PCDHA2: variants seen among roughly 807,000 people sequenced by gnomAD.
PCDHA2 encodes protocadherin alpha-2.
PCDHA2 carries 58 observed loss-of-function variants against 66.0 expected under a neutral mutation model. That is an observed-to-expected ratio of 0.88 (90% CI 0.71 to 1.09). The LOEUF is 1.09. PCDHA2 is among the 50% of genes least tolerant of loss of function. PCDHA2 has a pLI of 0.00. For missense variants in PCDHA2, 1,267 were observed against 1,242.3 expected, an observed-to-expected ratio of 1.02 and a Z score of -0.30; for synonymous variants, 634 against 554.0, an observed-to-expected ratio of 1.14 and a Z score of -2.03.
chr5:140,928,904 G>T, intron 1 of PCDHA2: 1 of 1,614,180 alleles, frequency 6.2e-7, no homozygotes, highest in Non-Finnish European at 8.5e-7. Flanking sequence ...GAAGATGTCT[G>T]GGAACCAGGA....
chr5:140,871,179 G>C (rs374404426), intron 1 of PCDHA2: 44 of 1,613,428 alleles, frequency 2.7e-5, no homozygotes, highest in Non-Finnish European at 3.5e-5. Context: ...AGGCTGCGCT[G>C]GTGGATGTCA....
rs181226204 is a variant in PCDHA2 at position 140,840,969 on chromosome 5, A to C, written c.2388+43617A>C. On this transcript the variant is annotated intron_variant, in intron 1 of 3. Transcript: ENST00000526136. ...TTGGGAAGAAATTCCTTTCCTTATG[A>C]AGAAGAAATCCCTAGCTGAAACTAA... 5.9e-5 allele frequency among the ~76,000 whole-genome samples: 9 copies of C among 152,188 alleles called. No individual in the cohort carries two copies. The East Asian group carries it at 1.7e-3, about 29-fold the overall frequency.
chr5:140,856,981 C>T lies in PCDHA2; in HGVS notation c.2388+59629C>T, dbSNP rs1554149362. 1.2e-5 allele frequency: 19 copies of T among 1,594,810 alleles called. 1 individual carries two copies. Among genetic ancestry groups the T allele is most frequent in the Non-Finnish European group, 1.5e-5 (18 of 1,164,604 alleles). Reference sequence around the variant, plus strand: ...TAAATGATGCTATTGACTTTGAGGACAGTAACACTTATGAAATTCATGTAG... The same window carrying T: ...TAAATGATGCTATTGACTTTGAGGATAGTAACACTTATGAAATTCATGTAG... On this transcript the variant is annotated intron_variant, in intron 1 of 3. Transcript: ENST00000526136.
intron 1 of PCDHA2, among the ~76,000 whole-genome samples, chr5:140,900,094 G>A (rs546671178): frequency 3.6e-4 from 55 of 152,150 alleles, no homozygotes; most frequent in East Asian, 2.3e-3. Context: ...ACAAGCATGC[G>A]CCACCATACC....
chr5:140,797,174 C>G lies in PCDHA2; in HGVS notation c.2210C>G (p.Pro737Arg). ...GAGGGTGCGCGCGCGCCAGGAAAGC[C>G]CACGCTGGTGTGCTCCAGCGCCGTG... ...PTEGARAPGK[P>R]TLVCSSAVGS... Residue 737 changes from proline to arginine, a missense_variant, in exon 1 of 4, where the codon CCC becomes CGC. By Grantham distance (103) the Pro-to-Arg change is moderately radical. Transcript: ENST00000526136. 1 of 1,614,098 alleles carries G rather than the reference C, an allele frequency of 6.2e-7. No individual in the cohort carries two copies. Among genetic ancestry groups the G allele is most frequent in the Non-Finnish European group, 8.5e-7 (1 of 1,180,024 alleles).
At chr5:140,873,615 A>C (rs1487252868) in intron 1 of PCDHA2, among the ~76,000 whole-genome samples, 3 of 152,280 alleles carry the variant, frequency 2.0e-5, no homozygotes, top group African/African-American at 7.2e-5. Context: ...TTGGCTTAAC[A>C]ATTTGTTTAG....
Position 140,877,047 on chromosome 5 carries a change from C to T in PCDHA2, c.2388+79695C>T, listed in dbSNP as rs372059660. The T allele has an allele frequency of 5.6e-6, 9 of 1,612,564 alleles. No homozygotes were observed. The African/African-American group carries it at 1.2e-4, about 22-fold the overall frequency. On this transcript the variant is annotated intron_variant, in intron 1 of 3. Transcript: ENST00000526136. ...TGTACGCGCTGCAGCCGCTAGACCA[C>T]GAGGAGCTGGAGCTGCTGCAGTTCC...
At chr5:140,884,461 G>C in intron 1 of PCDHA2, 3 of 1,613,764 alleles carry the variant, frequency 1.9e-6, no homozygotes, top group Non-Finnish European at 2.5e-6. Context: ...CCGAGGGCGC[G>C]TGCGCGCCGG....
intron 1 of PCDHA2, chr5:140,817,240 A>G (rs1766094783): frequency 2.0e-5 from 3 of 152,290 alleles, no homozygotes; most frequent in Admixed American, 1.3e-4. Flanking sequence ...GGGAGAAGAC[A>G]GGAGCTGGGA....
At chr5:140,803,300 C>T (rs782715241) in intron 1 of PCDHA2, 17 of 1,613,996 alleles carry the variant, frequency 1.1e-5, no homozygotes, top group Admixed American at 3.3e-5. Flanking sequence ...TGTACTTGAT[C>T]GTCGCCATCT....
chr5:140,821,944 G>A, intron 1 of PCDHA2: 2 of 1,614,180 alleles, frequency 1.2e-6, no homozygotes, highest in South Asian at 1.1e-5. Flanking sequence ...GGAGCTGGCG[G>A]AGCTGGTGCC....
chr5:140,954,184 T>C (rs2094994216), intron 1 of PCDHA2, among the ~76,000 whole-genome samples: 1 of 152,236 alleles, frequency 6.6e-6, no homozygotes, highest in Non-Finnish European at 1.5e-5. Flanking sequence ...CAGTCTATCA[T>C]TGATGGGCAT....
chr5:140,829,819 A>C (rs2150175411), intron 1 of PCDHA2: 2 of 1,613,876 alleles, frequency 1.2e-6, no homozygotes, highest in Admixed American at 3.3e-5. Flanking sequence ...CTGGTGGTGC[A>C]GTGAGCGAGC....
intron 1 of PCDHA2, chr5:140,871,269 G>A (rs782046462): frequency 1.2e-6 from 2 of 1,613,952 alleles, no homozygotes; most frequent in Non-Finnish European, 8.5e-7. Flanking sequence ...CGCTGTGGTG[G>A]TCGGCAACGC....
chr5:140,973,384 CAAAG>C (rs1250756648), intron 1 of PCDHA2, among the ~76,000 whole-genome samples: 4 of 152,194 alleles, frequency 2.6e-5, no homozygotes, highest in Non-Finnish European at 5.9e-5. Context: ...TCAGAATAGA[CAAAG>C]AAATCATATC....
intron 1 of PCDHA2, among the ~76,000 whole-genome samples, chr5:140,961,987 C>T (rs1411300268): frequency 1.3e-5 from 2 of 151,942 alleles, no homozygotes; most frequent in African/African-American, 4.8e-5. Context: ...GGGTTCACGC[C>T]ATTGTCCTGC....
chr5:140,908,416 G>GGAAT (rs1303787034), intron 1 of PCDHA2, among the ~76,000 whole-genome samples: 1 of 152,152 alleles, frequency 6.6e-6, no homozygotes, highest in African/African-American at 2.4e-5. Flanking sequence ...ATTTGATGAT[G>GGAAT]GAATGCTGCT....
intron 3 of PCDHA2, among the ~76,000 whole-genome samples, chr5:140,999,585 G>C (rs1240906342): frequency 6.6e-6 from 1 of 152,152 alleles, no homozygotes; most frequent in Non-Finnish European, 1.5e-5. Flanking sequence ...AAGGGAAATT[G>C]CCTTCCCTAC....
At chr5:140,884,917 C>G (rs1343503909) in intron 1 of PCDHA2, among the ~76,000 whole-genome samples, 1 of 152,168 alleles carries the variant, frequency 6.6e-6, no homozygotes, top group Non-Finnish European at 1.5e-5. Flanking sequence ...CTTAATAGTT[C>G]TAAGTATTTA....
Sources: allele counts gnomAD v4.1 joint callset (sites outside exome capture counted in the v4.1 genomes callset), GRCh38; gene constraint gnomAD v4.1.1; transcripts MANE v1.5; gene names NCBI Gene and HGNC (gene_info 2026-07-23, HGNC 2026-07-21).